ARHGAP39: variants seen among roughly 807,000 people sequenced by gnomAD.
ARHGAP39 encodes the protein Rho GTPase activating protein 39.
In ARHGAP39, 44 loss-of-function variants were observed where a neutral mutation model predicts 106.9. The observed-to-expected ratio is 0.41, with a 90% CI of 0.32 to 0.53. ARHGAP39 has a LOEUF of 0.53. ARHGAP39 is among the 20% of genes least tolerant of loss of function. ARHGAP39 has a pLI of 0.21. For synonymous variants in ARHGAP39, 768 were observed against 693.2 expected (o/e 1.11, Z -1.69); for missense variants, 1,496 against 1,577.3 (o/e 0.95, Z 0.87).
At chr8:144,571,745 T>A (rs753897965) in intron 3 of ARHGAP39, among the ~76,000 whole-genome samples, 1 of 152,174 alleles carries the variant, frequency 6.6e-6, no homozygotes, top group African/African-American at 2.4e-5. Context: ...AAAAACACAC[T>A]GTCTCAGCCC....
At position 144,670,281 on chromosome 8, in the gene ARHGAP39, C is replaced by A. The variant is rs1236467371; in HGVS notation, c.-82+15405G>T. Among the ~76,000 whole-genome samples the A allele has an allele frequency of 6.6e-6, 1 of 151,916 alleles. No individual in the cohort carries two copies. The highest frequency in any genetic ancestry group is 1.5e-5 in the Non-Finnish European group (1 of 67,998). On this transcript the variant is annotated intron_variant, in intron 1 of 11. Transcript: ENST00000377307. The surrounding 1 kb of genome is among the most constrained non-coding windows in gnomAD (Gnocchi z 4.4). ...GCTGTAAAAAGCAACAGAGCTCGGA[C>A]GCGTGCTAGAGTGTACCGGGAAGCA...
intron 2 of ARHGAP39, among the ~76,000 whole-genome samples, chr8:144,600,344 A>G (rs1453528159): frequency 0.022 from 1,530 of 70,106 alleles, no homozygotes; most frequent in Middle Eastern, 0.062. Flanking sequence ...CTGAGTGTGC[A>G]TGTGCGTGGA....
rs1170271129 is a variant in ARHGAP39 at position 144,530,430 on chromosome 8, C to G, written c.3337G>C (p.Val1113Leu). 12 of 1,603,072 alleles carry G rather than the reference C, an allele frequency of 7.5e-6. No homozygotes were observed. Among genetic ancestry groups the G allele is most frequent in the Non-Finnish European group, 1.0e-5 (12 of 1,173,946 alleles). Residue 1113 changes from valine to leucine, a missense_variant, in exon 12 of 12, where the codon GTG becomes CTG. Val to Leu is a conservative substitution (Grantham distance 32). Coordinates refer to ENST00000377307, the MANE Select transcript of ARHGAP39 (RefSeq NM_025251.3). Reference protein sequence around the residue: ...QHLDTSFMEGVL With the variant: ...QHLDTSFMEGLL ...GTCCCCGGGCGCCCCCGCTACAGCA[C>G]ACCCTCCATGAAGCTGGTGTCCAGG...
At chr8:144,664,482 A>G (rs1821909591) in intron 1 of ARHGAP39, among the ~76,000 whole-genome samples, 1 of 152,228 alleles carries the variant, frequency 6.6e-6, no homozygotes, top group Admixed American at 6.5e-5. Context: ...CCCCAGAGAC[A>G]GGCCATCCAA....
rs561942811 is a variant in ARHGAP39, at chr8:144,660,285, C to A, written c.-82+25401G>T. Among the ~76,000 whole-genome samples the A allele has an allele frequency of 1.3e-4, 20 of 152,214 alleles. No homozygotes were observed. In the East Asian group the frequency reaches 3.9e-3, roughly 29 times the overall value. On this transcript the variant is annotated intron_variant, in intron 1 of 11. Coordinates refer to ENST00000377307, the MANE Select transcript of ARHGAP39 (RefSeq NM_025251.3). ...TCAAGACTGAATTCCCTCTTGCTGG[C>A]CTCTGGTTAAATAATATAAGATTAT...
intron 1 of ARHGAP39, among the ~76,000 whole-genome samples, chr8:144,617,878 C>G (rs1286988988): frequency 6.6e-6 from 1 of 152,246 alleles, no homozygotes; most frequent in African/African-American, 2.4e-5. Context: ...ACCTCCCGGG[C>G]TCAAATGATG....
At position 144,679,896 on chromosome 8, in the gene ARHGAP39, C is replaced by A. The variant is rs187390909; in HGVS notation, c.-82+5790G>T. 6.6e-6 allele frequency among the ~76,000 whole-genome samples: 1 copy of A among 152,270 alleles called. No individual in the cohort carries two copies. The highest frequency in any genetic ancestry group is 2.4e-5 in the African/African-American group (1 of 41,560). ...TTGGGAGGCTGAGGCAGGAGAATGG[C>A]GTGAACCCAGGATGCGGAGCTTGCA... On this transcript the variant is annotated intron_variant, in intron 1 of 11. Transcript: ENST00000377307. This position sits in a 1 kb window ranked among gnomAD's most constrained non-coding sequence, Gnocchi z 4.7.
In ARHGAP39 at chr8:144,530,320, G is replaced by C; in HGVS notation, c.*102C>G. ...GCCTGGGGGAGTGGAGGGGGCTCCA[G>C]GGCTGGGCCGGGCGATTCTGGCCCC... On this transcript the variant is annotated 3_prime_UTR_variant, in exon 12 of 12. Transcript: ENST00000377307. The C allele has an allele frequency of 7.5e-7, 1 of 1,325,850 alleles. No individual in the cohort carries two copies. Among genetic ancestry groups the C allele is most frequent in the Non-Finnish European group, 1.0e-6 (1 of 970,996 alleles). The allele number at this position is 1,325,850 out of a possible 1,614,324, so 82.1% of individuals were successfully genotyped here.
chr8:144,658,332 T>C (rs1325186424), intron 1 of ARHGAP39, among the ~76,000 whole-genome samples: 2 of 151,826 alleles, frequency 1.3e-5, no homozygotes, highest in East Asian at 1.9e-4. Context: ...TGCAGTGCAA[T>C]GGTGCGATCT....
chr8:144,650,699 C>T (rs1187986696), intron 1 of ARHGAP39, among the ~76,000 whole-genome samples: 2 of 152,140 alleles, frequency 1.3e-5, no homozygotes, highest in African/African-American at 2.4e-5. Context: ...TCAATAAAAT[C>T]CACAACTGCT....
At chr8:144,536,851 T>C (rs1264758735) in intron 7 of ARHGAP39, among the ~76,000 whole-genome samples, 1 of 152,234 alleles carries the variant, frequency 6.6e-6, no homozygotes, top group Non-Finnish European at 1.5e-5. Context: ...TCGCTGGCAC[T>C]GTTCTGGGCC....
intron 1 of ARHGAP39, among the ~76,000 whole-genome samples, chr8:144,653,788 G>A (rs1821630035): frequency 6.6e-6 from 1 of 152,142 alleles, no homozygotes; most frequent in South Asian, 2.1e-4. Context: ...CCTCCTGTTG[G>A]AATAACTAGA....
In ARHGAP39 at chr8:144,604,472, G is replaced by A. The variant is rs1820209032; in HGVS notation, c.80+1063C>T. On this transcript the variant is annotated intron_variant, in intron 2 of 11. Coordinates refer to ENST00000377307, the MANE Select transcript of ARHGAP39 (RefSeq NM_025251.3). This position sits in a 1 kb window ranked among gnomAD's most constrained non-coding sequence, Gnocchi z 4.1. ...AGCTCACTGCAGCCTAAACCTCTTG[G>A]GCTCAAGGGATCTCCTCACCTCAGC... Among the ~76,000 whole-genome samples, 1 of 152,076 alleles carries A rather than the reference G, an allele frequency of 6.6e-6. No homozygotes were observed. Among genetic ancestry groups the A allele is most frequent in the Non-Finnish European group, 1.5e-5 (1 of 68,012 alleles).
chr8:144,566,058 C>T (rs905646775), intron 3 of ARHGAP39, among the ~76,000 whole-genome samples: 3 of 151,788 alleles, frequency 2.0e-5, no homozygotes, highest in African/African-American at 7.3e-5. Flanking sequence ...TGCGCCATTG[C>T]ACTTCAGCCT....
At chr8:144,667,980 G>A (rs1050434131) in intron 1 of ARHGAP39, among the ~76,000 whole-genome samples, 1 of 151,696 alleles carries the variant, frequency 6.6e-6, no homozygotes, top group African/African-American at 2.4e-5. Context: ...TGGGCGAGCT[G>A]AAAATGCCAG....
chr8:144,658,526 C>T lies in ARHGAP39; in HGVS notation c.-82+27160G>A, dbSNP rs889816562. On this transcript the variant is annotated intron_variant, in intron 1 of 11. Transcript: ENST00000377307. ...CTGACCTCAGGTGATCTGCTCGCCT[C>T]GGCCTCCCAAAGTGCTGGGATTATA... Among the ~76,000 whole-genome samples the T allele has an allele frequency of 5.9e-5, 9 of 152,304 alleles. No individual in the cohort carries two copies. The East Asian group carries it at 1.5e-3, about 26-fold the overall frequency.
intron 1 of ARHGAP39, among the ~76,000 whole-genome samples, chr8:144,643,561 T>C (rs1156596766): frequency 6.6e-6 from 1 of 152,170 alleles, no homozygotes; most frequent in Non-Finnish European, 1.5e-5. Context: ...CACAGTTCCT[T>C]TGACGAAGTG....
chr8:144,681,672 G>T (rs1822422649), intron 1 of ARHGAP39, among the ~76,000 whole-genome samples: 1 of 152,154 alleles, frequency 6.6e-6, no homozygotes, highest in African/African-American at 2.4e-5. Flanking sequence ...AGCTTCCACA[G>T]CCCATCCCAG....
At chr8:144,667,938 G>A (rs935425478) in intron 1 of ARHGAP39, among the ~76,000 whole-genome samples, 1 of 152,052 alleles carries the variant, frequency 6.6e-6, no homozygotes, top group Non-Finnish European at 1.5e-5. Flanking sequence ...GGAGAGTGAC[G>A]GCTTCTTCTG....
Sources: gnomAD v4.1 joint callset for allele counts (sites outside exome capture counted in the v4.1 genomes callset) on GRCh38, gnomAD v4.1.1 for gene constraint, Gnocchi (gnomAD v3.1) non-coding constraint, MANE v1.5 for transcripts, NCBI Gene and HGNC (gene_info 2026-07-23, HGNC 2026-07-21) for gene names.